Variants in VWA3A observed in about 807,000 individuals in gnomAD.
The protein encoded by VWA3A is von Willebrand factor A domain-containing protein 3A.
VWA3A carries 134 observed loss-of-function variants against 160.4 expected under a neutral mutation model. The observed-to-expected ratio is 0.84, with a 90% confidence interval of 0.73 to 0.96. The LOEUF (loss-of-function observed/expected upper bound fraction) is 0.96. Ranked by LOEUF, VWA3A falls within the 40% of genes least tolerant of loss-of-function variation. The pLI, the probability that VWA3A is intolerant of heterozygous loss-of-function variation, is 0.00. For synonymous variants in VWA3A, 476 were observed against 543.4 expected (o/e 0.88, Z 1.72); for missense variants, 1,310 against 1,447.9 (o/e 0.90, Z 1.55).
chr16:22,116,368 AAGAG>A (rs1567203405), intron 9 of VWA3A: 3 of 447,044 alleles, frequency 6.7e-6, no homozygotes, highest in Non-Finnish European at 1.3e-5. Flanking sequence ...GGAAAGAAGG[AAGAG>A]AGAAAAAAGA....
At chr16:22,131,510 C>T in intron 18 of VWA3A, 75 bp from the exon 19 acceptor site, 2 of 1,578,272 alleles carry the variant, frequency 1.3e-6, no homozygotes, top group East Asian at 4.5e-5. Context: ...ATGGAAAAGG[C>T]TCTCAGCTAC....
At chr16:22,113,103 C>T (rs1393337153) in intron 8 of VWA3A, among the ~76,000 whole-genome samples, 1 of 152,196 alleles carries the variant, frequency 6.6e-6, no homozygotes, top group Non-Finnish European at 1.5e-5. Flanking sequence ...TCAGGAACTC[C>T]TGGAATTCTC....
intron 5 of VWA3A, among the ~76,000 whole-genome samples, chr16:22,101,178 G>A (rs999770276): frequency 2.6e-5 from 4 of 151,718 alleles, no homozygotes; most frequent in Non-Finnish European, 5.9e-5. Flanking sequence ...GATCACTTGA[G>A]CCCAGAAGTT....
At chr16:22,134,009 G>C (rs749674) in intron 20 of VWA3A, among the ~76,000 whole-genome samples, 9,409 of 152,104 alleles carry the variant, frequency 0.062, 835 homozygotes, top group East Asian at 0.46. Flanking sequence ...TGTCACCCAG[G>C]CTGGAGTGCA....
intron 8 of VWA3A, among the ~76,000 whole-genome samples, chr16:22,113,388 T>TTTTTTTTTTTTTTTTTA (rs2045584680): frequency 8.1e-6 from 1 of 123,920 alleles, no homozygotes; most frequent in Non-Finnish European, 1.6e-5. Flanking sequence ...TTTTTTTTTT[T>TTTTTTTTTTTTTTTTTA]TTTTTTTTGT....
At chr16:22,118,748 G>T (rs145332780) in intron 11 of VWA3A, among the ~76,000 whole-genome samples, 154 bp from the exon 12 acceptor site, 28 of 152,326 alleles carry the variant, frequency 1.8e-4, no homozygotes, top group African/African-American at 6.7e-4. Flanking sequence ...ATGTCTGCAG[G>T]CTCTGTCTGG....
chr16:22,128,149 G>A (rs576097459), intron 17 of VWA3A, among the ~76,000 whole-genome samples: 39 of 152,252 alleles, frequency 2.6e-4, no homozygotes, highest in Non-Finnish European at 5.0e-4. Context: ...GAAATACCAG[G>A]TGATGGAGGA....
intron 11 of VWA3A, among the ~76,000 whole-genome samples, 188 bp from the exon 12 acceptor site, chr16:22,118,714 C>G (rs964348846): frequency 6.6e-6 from 1 of 152,150 alleles, no homozygotes; most frequent in Non-Finnish European, 1.5e-5. Flanking sequence ...ACACAACAGG[C>G]CAATTGCACA....
In VWA3A at chr16:22,141,585, C is replaced by T. The variant is rs763508884; in HGVS notation, c.2387C>T (p.Ala796Val). The change falls in exon 24 of 34, where the codon GCG becomes GTG. Residue 796 changes from alanine (A) to valine (V), a missense_variant. Transcript: ENST00000389398. ...CAACAAGCCAAATGTTCCTCAGCTG[C>T]GGCCCAGCCAACGAAAGAAGGGATG... is the stretch of plus-strand genomic sequence containing the variant. ...LSSRVGISPA[A>V]AQPTKEGMME... 6.2e-6 allele frequency: 10 copies of T among 1,608,858 alleles called. No individual in the cohort carries two copies. The highest frequency in any genetic ancestry group is 3.4e-5 in the Admixed American group (2 of 59,234).
chr16:22,123,845 C>T, intron 16 of VWA3A, 138 bp downstream of exon 16: 1 of 773,494 alleles, frequency 1.3e-6, no homozygotes, highest in Non-Finnish European at 2.1e-6. Context: ...AGCAGAACCC[C>T]CAGAGGAGGA....
At position 22,141,608 on chromosome 16, in the gene VWA3A, A is replaced by T. The variant is rs2046150873; in HGVS notation, c.2410A>T (p.Met804Leu). ...TGCGGCCCAGCCAACGAAAGAAGGG[A>T]TGATGGAACTGAGGAGGAAGACCAA... ...PAAAQPTKEG[M>L]MELRRKTKSR... Residue 804 changes from methionine (M) to leucine (L), a missense_variant, in exon 24 of 34, where the codon ATG becomes TTG. Coordinates refer to ENST00000389398, the MANE Select transcript of VWA3A (RefSeq NM_173615.5). The T allele has an allele frequency of 6.2e-7, 1 of 1,612,172 alleles. No homozygotes were observed. Among genetic ancestry groups the T allele is most frequent in the Admixed American group, 1.7e-5 (1 of 59,712 alleles).
Position 22,144,247 on chromosome 16 carries a change from TG to T in VWA3A, c.2596del (p.Val866TrpfsTer9), listed in dbSNP as rs757491484. 38 of 1,610,758 alleles carry T rather than the reference TG, an allele frequency of 2.4e-5. 1 individual carries two copies. The South Asian group carries it at 4.1e-4, about 17-fold the overall frequency. ...RKDTVCSSQE[W>X]VAKYGLKKLK... ...AATAGTTCTTTCCTTTATTCTAAAG[TG>T]GGTGGCAAAATATGGGCTCAAAAAA... On this transcript the variant is annotated frameshift_variant and splice_region_variant, in exon 26 of 34. Coordinates refer to ENST00000389398, the MANE Select transcript of VWA3A (RefSeq NM_173615.5). LOFTEE classifies it high-confidence loss of function.
At chr16:22,145,794 C>T (rs180733773) in intron 26 of VWA3A, among the ~76,000 whole-genome samples, 13 of 150,954 alleles carry the variant, frequency 8.6e-5, no homozygotes, top group Admixed American at 8.6e-4. Flanking sequence ...AAAAAAAATA[C>T]ACTTAACAGA....
Position 22,155,922 on chromosome 16 carries a change from G to A in VWA3A, c.*14+6G>A, listed in dbSNP as rs1333085054. On this transcript the variant is annotated splice_donor_region_variant and intron_variant, in intron 33 of 33. Coordinates refer to ENST00000389398, the MANE Select transcript of VWA3A (RefSeq NM_173615.5). ...TCCTAGAGAAGTGTTCTCAGGTAAG[G>A]GGAGGGGCTAGACCCCATACTACCT... 1.2e-6 allele frequency: 2 copies of A among 1,613,778 alleles called. No individual in the cohort carries two copies. Among genetic ancestry groups the A allele is most frequent in the Non-Finnish European group, 1.7e-6 (2 of 1,179,806 alleles).
In VWA3A at chr16:22,131,658, T is replaced by G. The variant is rs1490139583; in HGVS notation, c.1801T>G (p.Phe601Val). 28 of 1,613,996 alleles carry G rather than the reference T, an allele frequency of 1.7e-5. No homozygotes were observed. Among genetic ancestry groups the G allele is most frequent in the Non-Finnish European group, 2.4e-5 (28 of 1,179,888 alleles). ...SALRKAVEVD[F>V]KDKDKHQSQG... The stretch of plus-strand genomic sequence containing the variant: ...CCTGCGGAAGGCTGTGGAAGTAGAC[T>G]TCAAGGACAAAGACAAACACCAATC... Residue 601 changes from phenylalanine (F) to valine (V), a missense_variant, in exon 19 of 34, where the codon TTC (phenylalanine) becomes GTC (valine). Physicochemically the swap from Phe to Val is conservative, Grantham distance 50 (BLOSUM62 -1). Transcript: ENST00000389398.
chr16:22,144,187 G>A, intron 25 of VWA3A, 60 bp from the exon 26 acceptor site: 1 of 1,533,066 alleles, frequency 6.5e-7, no homozygotes, highest in Non-Finnish European at 8.8e-7. Context: ...AGACCAGTCA[G>A]ATGATCATTC....
At chr16:22,120,772 C>T (rs2045719230) in intron 12 of VWA3A, among the ~76,000 whole-genome samples, 196 bp from the exon 13 acceptor site, 2 of 152,086 alleles carry the variant, frequency 1.3e-5, no homozygotes, top group Admixed American at 1.3e-4. Flanking sequence ...CTGGGTACTC[C>T]TTCCTCTTCC....
chr16:22,154,782 G>A (rs918542859), intron 31 of VWA3A, among the ~76,000 whole-genome samples: 4 of 148,886 alleles, frequency 2.7e-5, no homozygotes, highest in East Asian at 2.0e-4. Context: ...GTGAAACCCC[G>A]TCTCTACTAA....
intron 26 of VWA3A, among the ~76,000 whole-genome samples, chr16:22,145,843 A>G (rs1438025049): frequency 6.6e-6 from 1 of 151,760 alleles, no homozygotes; most frequent in African/African-American, 2.4e-5. Flanking sequence ...TTGTTGAGAC[A>G]GGATCTTGCT....
Sources: allele counts gnomAD v4.1 joint callset (sites outside exome capture counted in the v4.1 genomes callset), GRCh38; gene constraint gnomAD v4.1.1; transcripts MANE v1.5; gene names NCBI Gene and HGNC (gene_info 2026-07-23, HGNC 2026-07-21).